LRRC4B: variants seen among roughly 807,000 people sequenced by gnomAD.
The protein encoded by LRRC4B is leucine rich repeat containing 4B.
Under a neutral mutation model 7.3 loss-of-function variants are expected in LRRC4B, and 1 was observed. The observed-to-expected ratio is 0.14, with a 90% CI of 0.05 to 0.65. The LOEUF is 0.65. Ranked by LOEUF, LRRC4B falls within the 30% of genes least tolerant of loss-of-function variation. The pLI is 0.84. For missense variants in LRRC4B, 730 were observed against 1,041.6 expected (o/e 0.70, Z 4.12); for synonymous variants, 500 against 499.2 (o/e 1.00, Z -0.02).
intron 2 of LRRC4B, among the ~76,000 whole-genome samples, chr19:50,528,947 C>T (rs1157458515): frequency 6.6e-6 from 1 of 152,118 alleles, no homozygotes; most frequent in Admixed American, 6.5e-5. Context: ...TGCGACTGTG[C>T]CTGGGCATGA....
At chr19:50,536,097 C>A (rs900319643) in intron 2 of LRRC4B, among the ~76,000 whole-genome samples, 2 of 151,656 alleles carry the variant, frequency 1.3e-5, no homozygotes. Flanking sequence ...AGCAGCCCCC[C>A]GCCAGCTCGT....
rs759121250 is a variant in LRRC4B, at chr19:50,519,463, C to T, written c.298-48G>A. 2.7e-6 allele frequency: 4 copies of T among 1,487,302 alleles called. No homozygotes were observed. The highest frequency in any genetic ancestry group is 1.4e-5 in the African/African-American group (1 of 71,766). The allele number at this position is 1,487,302 out of a possible 1,614,324, so 92.1% of individuals were successfully genotyped here. A position where few individuals can be genotyped will look rare whatever the true frequency, so the allele number is the denominator to read the frequency against. ...CAGTCACGGAGATACTGACGGGGACCGTGGGGGGATCACCAAGGTCCCGGG... is the reference window on the plus strand; with the variant it reads ...CAGTCACGGAGATACTGACGGGGACTGTGGGGGGATCACCAAGGTCCCGGG... On this transcript the variant is annotated intron_variant, in intron 2 of 2. Coordinates refer to ENST00000652263, the MANE Select transcript of LRRC4B (RefSeq NM_001080457.2). This position sits in a 1 kb window ranked among gnomAD's most constrained non-coding sequence, Gnocchi z 8.1.
rs550604887 is a variant in LRRC4B, at chr19:50,555,591, A to G, written c.-35-6718T>C. 1.3e-5 allele frequency: 2 copies of G among 152,614 alleles called. No individual in the cohort carries two copies. Among genetic ancestry groups the G allele is most frequent in the East Asian group, 3.9e-4 (2 of 5,184 alleles). 9.5% of individuals were successfully genotyped at this position (152,614 alleles called of 1,614,324 possible). On this transcript the variant is annotated intron_variant, in intron 1 of 2. Transcript: ENST00000652263. This position sits in a 1 kb window ranked among gnomAD's most constrained non-coding sequence, Gnocchi z 5.2. ...GAGGCTGGGAGGGCCCGGGCACTCG[A>G]GGCGTGAAGCTGAGTCCTCACCGGC... is the stretch of plus-strand genomic sequence containing the variant.
intron 2 of LRRC4B, among the ~76,000 whole-genome samples, chr19:50,530,156 C>T (rs961601402): frequency 6.6e-6 from 1 of 152,184 alleles, no homozygotes; most frequent in Non-Finnish European, 1.5e-5. Flanking sequence ...CCTGGGCCCG[C>T]CGCAGCCTCC....
At chr19:50,567,512 C>G (rs1454745674) in intron 1 of LRRC4B, among the ~76,000 whole-genome samples, 1 of 151,622 alleles carries the variant, frequency 6.6e-6, no homozygotes, top group Non-Finnish European at 1.5e-5. Flanking sequence ...GGCGTGCCCC[C>G]CCCACCCCAA....
At chr19:50,535,529 G>C (rs1027019337) in intron 2 of LRRC4B, among the ~76,000 whole-genome samples, 4 of 152,290 alleles carry the variant, frequency 2.6e-5, no homozygotes, top group African/African-American at 9.6e-5. Flanking sequence ...GCTTACTGTT[G>C]TTTGTGTGTG....
intron 1 of LRRC4B, among the ~76,000 whole-genome samples, chr19:50,562,194 T>A (rs946905554): frequency 2.0e-5 from 3 of 152,072 alleles, no homozygotes; most frequent in East Asian, 1.9e-4. Context: ...TGGCCTCAGT[T>A]TCCCCCTCTG....
chr19:50,538,396 T>G (rs1393423972), intron 2 of LRRC4B, among the ~76,000 whole-genome samples: 1 of 152,012 alleles, frequency 6.6e-6, no homozygotes, highest in Non-Finnish European at 1.5e-5. Context: ...GGGCTCTAAC[T>G]GGGAAAAGTC....
chr19:50,547,728 A>G (rs1374113107), intron 2 of LRRC4B, among the ~76,000 whole-genome samples: 73 of 150,832 alleles, frequency 4.8e-4, no homozygotes, highest in Non-Finnish European at 3.0e-5. Context: ...CCAAAGGATG[A>G]TAGGGCAGGC....
At chr19:50,558,527 C>T (rs925005058) in intron 1 of LRRC4B, among the ~76,000 whole-genome samples, 1 of 152,238 alleles carries the variant, frequency 6.6e-6, no homozygotes, top group Non-Finnish European at 1.5e-5. Flanking sequence ...CGGCACCCGG[C>T]TGTATTTCAA....
rs1982292147 is a variant in LRRC4B at position 50,556,827 on chromosome 19, G to C, written c.-35-7954C>G. On this transcript the variant is annotated intron_variant, in intron 1 of 2. Transcript: ENST00000652263. This position sits in a 1 kb window ranked among gnomAD's most constrained non-coding sequence, Gnocchi z 4.2. ...GGTCTCTAGGGAGGCAAGTGTGGGG[G>C]TGGGGGAGCCGTCCGAGGGCTAAGT... is the stretch of plus-strand genomic sequence containing the variant. Among the ~76,000 whole-genome samples the C allele has an allele frequency of 6.6e-6, 1 of 152,090 alleles. No individual in the cohort carries two copies. The highest frequency in any genetic ancestry group is 6.5e-5 in the Admixed American group (1 of 15,268).
At chr19:50,544,932 G>C (rs2122880154) in intron 2 of LRRC4B, among the ~76,000 whole-genome samples, 1 of 152,152 alleles carries the variant, frequency 6.6e-6, no homozygotes, top group African/African-American at 2.4e-5. Context: ...CTAACACGGT[G>C]AAACCCTGTC....
chr19:50,520,123 G>A lies in LRRC4B; in HGVS notation c.298-708C>T, dbSNP rs193083632. On this transcript the variant is annotated intron_variant, in intron 2 of 2. Transcript: ENST00000652263. ...AGGGAGGCTGAGGTGGGAGGATTGC[G>A]TGAGCCTGGAAAGTGAAGGCTGCAG... 2.3e-4 allele frequency among the ~76,000 whole-genome samples: 31 copies of A among 135,650 alleles called. No homozygotes were observed. The East Asian group carries it at 6.1e-3, about 27-fold the overall frequency. 89.0% of individuals were successfully genotyped at this position (135,650 alleles called of 152,430 possible).
Position 50,541,999 on chromosome 19 carries a change from G to A in LRRC4B, c.297+6543C>T, listed in dbSNP as rs150117250. The stretch of plus-strand genomic sequence containing the variant: ...CCACTCTCAGAAACACAGGCCGAGC[G>A]AACACAGTGAGACAAAGACAGCGAT... On this transcript the variant is annotated intron_variant, in intron 2 of 2. Transcript: ENST00000652263. Among the ~76,000 whole-genome samples the A allele has an allele frequency of 2.6e-3, 390 of 152,248 alleles. 2 individuals are homozygous for A. The highest frequency in any genetic ancestry group is 4.4e-3 in the Non-Finnish European group (299 of 68,030).
chr19:50,525,459 G>A (rs1038151846), intron 2 of LRRC4B, among the ~76,000 whole-genome samples: 13 of 149,860 alleles, frequency 8.7e-5, no homozygotes, highest in Non-Finnish European at 3.0e-5. Flanking sequence ...AGGCTGGAGT[G>A]CAATGGCGTA....
intron 2 of LRRC4B, among the ~76,000 whole-genome samples, chr19:50,522,126 T>C (rs1048059517): frequency 6.6e-6 from 1 of 152,066 alleles, no homozygotes; most frequent in African/African-American, 2.4e-5. Context: ...TGCAGTGAAC[T>C]GTGATCGTGC....
At chr19:50,527,753 CTTTTTTTTT>C (rs56185801) in intron 2 of LRRC4B, among the ~76,000 whole-genome samples, 2 of 114,370 alleles carry the variant, frequency 1.7e-5, no homozygotes, top group Non-Finnish European at 3.7e-5. Context: ...TTCTTTTTTT[CTTTTTTTTT>C]TTTGAGTCTC....
rs1181946354 is a variant in LRRC4B, at chr19:50,528,390, G to A, written c.298-8975C>T. Among the ~76,000 whole-genome samples, 5 of 152,078 alleles carry A rather than the reference G, an allele frequency of 3.3e-5. 1 individual carries two copies. The East Asian group carries it at 9.7e-4, about 29-fold the overall frequency. Reference sequence around the variant, plus strand: ...GATGGAATTTCACTCTGTCGCCCAGGCTGGACTGCAGTGGTGCGATCTCAG... The same window carrying A: ...GATGGAATTTCACTCTGTCGCCCAGACTGGACTGCAGTGGTGCGATCTCAG... On this transcript the variant is annotated intron_variant, in intron 2 of 2. Transcript: ENST00000652263.
Position 50,563,626 on chromosome 19 carries a change from G to A in LRRC4B, c.-36+4318C>T, listed in dbSNP as rs1395081517. On this transcript the variant is annotated intron_variant, in intron 1 of 2. Coordinates refer to ENST00000652263, the MANE Select transcript of LRRC4B (RefSeq NM_001080457.2). This position sits in a 1 kb window ranked among gnomAD's most constrained non-coding sequence, Gnocchi z 4.9. ...TCTGGGGCCAAATGTGCAGCCTGGT[G>A]TACAGAGAAGCCCACCCCCTGCCTA... 6.6e-6 allele frequency among the ~76,000 whole-genome samples: 1 copy of A among 152,158 alleles called. No homozygotes were observed. The highest frequency in any genetic ancestry group is 1.9e-4 in the East Asian group (1 of 5,190).
Sources: gnomAD v4.1 joint callset for allele counts (sites outside exome capture counted in the v4.1 genomes callset) on GRCh38, gnomAD v4.1.1 for gene constraint, Gnocchi (gnomAD v3.1) non-coding constraint, MANE v1.5 for transcripts, NCBI Gene and HGNC (gene_info 2026-07-23, HGNC 2026-07-21) for gene names.